SLC41A2: variants seen among roughly 807,000 people sequenced by gnomAD.
SLC41A2 encodes the protein SLC41A1-like 1.
In SLC41A2, 32 loss-of-function variants were observed where a neutral mutation model predicts 58.3. The observed-to-expected ratio is 0.55, with a 90% CI of 0.41 to 0.74. The LOEUF (loss-of-function observed/expected upper bound fraction) is 0.74, where lower values mean the gene tolerates loss of function less well. SLC41A2 is among the 30% of genes least tolerant of loss of function. SLC41A2 has a pLI of 0.00. For synonymous variants in SLC41A2, 190 were observed against 235.0 expected, an observed-to-expected ratio of 0.81 and a Z score of 1.75; for missense variants, 514 against 680.6, an observed-to-expected ratio of 0.76 and a Z score of 2.72.
intron 6 of SLC41A2, among the ~76,000 whole-genome samples, chr12:104,878,483 C>T (rs2044177674): frequency 6.6e-6 from 1 of 151,180 alleles, no homozygotes; most frequent in East Asian, 2.0e-4. Flanking sequence ...CCACCACAGG[C>T]CCTGGTGTGT....
At position 104,804,873 on chromosome 12, in the gene SLC41A2, A is replaced by ACAT. The variant is rs1466902081; in HGVS notation, c.*276_*278dup. 3 of 217,094 alleles carry ACAT rather than the reference A, an allele frequency of 1.4e-5. No homozygotes were observed. The Admixed American group carries it at 1.7e-4, about 12-fold the overall frequency. 13.4% of individuals were successfully genotyped at this position (217,094 alleles called of 1,614,324 possible). A position where few individuals can be genotyped will look rare whatever the true frequency, so the allele number is the denominator to read the frequency against. On this transcript the variant is annotated 3_prime_UTR_variant, in exon 11 of 11. Transcript: ENST00000258538. ...GTGGTTTTAAAATTATTCACTGTAAACATCCTATATTCTTTCCTAATTAAT... is the reference window on the plus strand; with the variant it reads ...GTGGTTTTAAAATTATTCACTGTAAACATCATCCTATATTCTTTCCTAATTAAT...
chr12:104,812,460 TGA>T (rs2041216596), intron 10 of SLC41A2, among the ~76,000 whole-genome samples: 1 of 152,238 alleles, frequency 6.6e-6, no homozygotes, highest in Non-Finnish European at 1.5e-5. Flanking sequence ...TTCAAAATCC[TGA>T]GAGTGAAATA....
chr12:104,934,444 T>A (rs7975836), intron 1 of SLC41A2, among the ~76,000 whole-genome samples: 14,737 of 151,968 alleles, frequency 0.097, 1,133 homozygotes, highest in East Asian at 0.26. Context: ...AATGCTTAGA[T>A]GAAAAGATCC....
intron 10 of SLC41A2, among the ~76,000 whole-genome samples, chr12:104,821,470 A>G (rs953567837): frequency 1.3e-5 from 2 of 152,214 alleles, no homozygotes; most frequent in African/African-American, 4.8e-5. Flanking sequence ...GGTTGAATAC[A>G]TTGTGGAATA....
rs2040765230 is a variant in SLC41A2 at position 104,803,375 on chromosome 12, T to C, written c.*1777A>G. ...CCAAAGGAGAAATTCTATAATTAGT[T>C]CAGTTCTCTGCCTTAAAAGTTTTAT... On this transcript the variant is annotated 3_prime_UTR_variant, in exon 11 of 11. Transcript: ENST00000258538. 6.6e-6 allele frequency: 1 copy of C among 152,160 alleles called. No individual in the cohort carries two copies. Among genetic ancestry groups the C allele is most frequent in the African/African-American group, 2.4e-5 (1 of 41,442 alleles). The allele number at this position is 152,160 out of a possible 1,614,324, so 9.4% of individuals were successfully genotyped here. A position where few individuals can be genotyped will look rare whatever the true frequency, so the allele number is the denominator to read the frequency against.
At chr12:104,899,063 G>A (rs929829120) in intron 3 of SLC41A2, among the ~76,000 whole-genome samples, 1 of 152,110 alleles carries the variant, frequency 6.6e-6, no homozygotes, top group Non-Finnish European at 1.5e-5. Flanking sequence ...TAGATTAGTT[G>A]ACCTGATGGT....
At chr12:104,822,680 C>G (rs551319098) in intron 10 of SLC41A2, among the ~76,000 whole-genome samples, 4 of 152,100 alleles carry the variant, frequency 2.6e-5, no homozygotes, top group African/African-American at 4.8e-5. Flanking sequence ...AGTATAGAGA[C>G]CTATTTCTTA....
At chr12:104,926,181 C>A (rs1353814071) in intron 2 of SLC41A2, among the ~76,000 whole-genome samples, 1 of 152,140 alleles carries the variant, frequency 6.6e-6, no homozygotes, top group Non-Finnish European at 1.5e-5. Flanking sequence ...CTAATAGTTT[C>A]CCAGAGGCAA....
At chr12:104,926,359 G>A (rs979074155) in intron 2 of SLC41A2, among the ~76,000 whole-genome samples, 13 of 152,164 alleles carry the variant, frequency 8.5e-5, no homozygotes, top group African/African-American at 3.1e-4. Context: ...CCAGCACTTT[G>A]GGAGGCAGAG....
chr12:104,838,292 A>G (rs1480891915), intron 10 of SLC41A2, among the ~76,000 whole-genome samples: 1 of 152,204 alleles, frequency 6.6e-6, no homozygotes, highest in Non-Finnish European at 1.5e-5. Context: ...ATGTTCAACA[A>G]CCAGGAGCTC....
chr12:104,824,427 C>T (rs1488016135), intron 10 of SLC41A2, among the ~76,000 whole-genome samples: 1 of 152,152 alleles, frequency 6.6e-6, no homozygotes, highest in African/African-American at 2.4e-5. Context: ...GGAGGAGAGC[C>T]CAGGCCTCCA....
In SLC41A2 at chr12:104,802,922, G is replaced by A. The variant is rs1464440778; in HGVS notation, c.*2230C>T. 6.6e-6 allele frequency: 1 copy of A among 152,020 alleles called. No individual in the cohort carries two copies. The highest frequency in any genetic ancestry group is 6.6e-5 in the Admixed American group (1 of 15,242). 9.4% of individuals were successfully genotyped at this position (152,020 alleles called of 1,614,324 possible). On this transcript the variant is annotated 3_prime_UTR_variant, in exon 11 of 11. Transcript: ENST00000258538. ...GGCATTATGAAAACCTGGATGTTAG[G>A]GACTTCACAATTTGGTCATTTTGCA...
chr12:104,956,222 G>C (rs1014428209), intron 1 of SLC41A2, among the ~76,000 whole-genome samples: 2 of 152,040 alleles, frequency 1.3e-5, no homozygotes, highest in African/African-American at 4.8e-5. Flanking sequence ...GAACAGGTAG[G>C]GTATTCTTAA....
intron 6 of SLC41A2, among the ~76,000 whole-genome samples, chr12:104,880,830 T>G (rs978020206): frequency 1.3e-5 from 2 of 152,190 alleles, no homozygotes; most frequent in Admixed American, 6.5e-5. Context: ...GCTGGCCTCA[T>G]AAAATGAGTT....
chr12:104,955,016 CTTTTTTTTTTTTT>C (rs375969264), intron 1 of SLC41A2, among the ~76,000 whole-genome samples: 2 of 79,176 alleles, frequency 2.5e-5, no homozygotes, highest in Non-Finnish European at 4.7e-5. Context: ...TTGGCCCTTG[CTTTTTTTTTTTTT>C]TTTTTTTTTT....
At chr12:104,812,191 C>T (rs1434261565) in intron 10 of SLC41A2, among the ~76,000 whole-genome samples, 1 of 152,166 alleles carries the variant, frequency 6.6e-6, no homozygotes, top group African/African-American at 2.4e-5. Flanking sequence ...GGTCAGTCCC[C>T]ATGTCCTTTA....
intron 6 of SLC41A2, among the ~76,000 whole-genome samples, chr12:104,873,986 T>C (rs2043915158): frequency 6.6e-6 from 1 of 152,138 alleles, no homozygotes; most frequent in African/African-American, 2.4e-5. Context: ...CCTTTTCCTT[T>C]TCACTTTGTG....
chr12:104,931,997 A>G (rs2135904020), intron 1 of SLC41A2, among the ~76,000 whole-genome samples: 1 of 152,318 alleles, frequency 6.6e-6, no homozygotes, highest in South Asian at 2.1e-4. Context: ...TTTAAATAAT[A>G]TAGTTTGAAA....
intron 1 of SLC41A2, among the ~76,000 whole-genome samples, chr12:104,939,186 CCTT>C (rs1452190033): frequency 6.6e-6 from 1 of 152,122 alleles, no homozygotes; most frequent in African/African-American, 2.4e-5. Flanking sequence ...ACCAGACACT[CCTT>C]ATGAATTCAA....
Sources: allele counts gnomAD v4.1 joint callset (sites outside exome capture counted in the v4.1 genomes callset), GRCh38; gene constraint gnomAD v4.1.1; transcripts MANE v1.5; gene names NCBI Gene and HGNC (gene_info 2026-07-23, HGNC 2026-07-21).